Variants in PRKN observed in about 807,000 individuals in gnomAD.
PRKN encodes E3 ubiquitin-protein ligase parkin.
PRKN carries 56 observed loss-of-function variants against 59.5 expected under a neutral mutation model. The ratio of observed to expected loss-of-function variants is 0.94; its 90% confidence interval spans 0.76 to 1.18. The LOEUF is 1.18. Among genes scored for constraint, PRKN ranks in the 50% most tolerant of loss-of-function variants. PRKN has a pLI of 0.00. For synonymous variants in PRKN, 250 were observed against 222.1 expected (o/e 1.13, Z -1.12); for missense variants, 657 against 596.4 (o/e 1.10, Z -1.06).
chr6:162,061,847 C>CA (rs1375167098), intron 4 of PRKN, among the ~76,000 whole-genome samples: 1 of 151,680 alleles, frequency 6.6e-6, no homozygotes, highest in Admixed American at 6.6e-5. Flanking sequence ...ATAGTAGCTA[C>CA]AAAAAAATGG....
At chr6:161,788,928 A>T (rs3019432) in intron 6 of PRKN, among the ~76,000 whole-genome samples, 123,494 of 152,206 alleles carry the variant, frequency 0.81, 52,333 homozygotes, top group East Asian at 0.95. Context: ...ATATCAATAT[A>T]TGAATGTATG....
At chr6:162,428,777 C>A (rs1219343494) in intron 2 of PRKN, among the ~76,000 whole-genome samples, 1 of 152,186 alleles carries the variant, frequency 6.6e-6, no homozygotes, top group African/African-American at 2.4e-5. Flanking sequence ...AACACCTAGA[C>A]TAGCCTCCCA....
chr6:162,264,824 T>C (rs1446106294), intron 2 of PRKN: 2 of 152,204 alleles, frequency 1.3e-5, no homozygotes, highest in African/African-American at 2.4e-5. Flanking sequence ...TATCCTCCCA[T>C]GTTTTGTAAC....
intron 4 of PRKN, among the ~76,000 whole-genome samples, chr6:162,197,843 G>A (rs1369121764): frequency 2.0e-5 from 3 of 152,122 alleles, no homozygotes; most frequent in Admixed American, 6.6e-5. Flanking sequence ...AGAAAATTTC[G>A]AATACAAATG....
chr6:161,854,373 T>C (rs1793560025), intron 6 of PRKN, among the ~76,000 whole-genome samples: 1 of 152,012 alleles, frequency 6.6e-6, no homozygotes, highest in South Asian at 2.1e-4. Context: ...TCGAAATGCA[T>C]ATGTGATGAA....
chr6:162,362,605 TTC>T (rs1785201211), intron 2 of PRKN, among the ~76,000 whole-genome samples: 2 of 152,210 alleles, frequency 1.3e-5, no homozygotes, highest in African/African-American at 4.8e-5. Flanking sequence ...TAGCAGAAAA[TTC>T]TGTTAGATAA....
rs941525954 is a variant in PRKN, at chr6:161,428,642, C to T, written c.1084-41765G>A. Among the ~76,000 whole-genome samples, 28 of 152,318 alleles carry T rather than the reference C, an allele frequency of 1.8e-4. No individual in the cohort carries two copies. The highest frequency in any genetic ancestry group is 3.4e-4 in the African/African-American group (14 of 41,560). On this transcript the variant is annotated intron_variant, in intron 9 of 11. Transcript: ENST00000366898. This position sits in a 1 kb window ranked among gnomAD's most constrained non-coding sequence, Gnocchi z 4.0. ...ACACATCTGAAGGGCGATTCTTTGT[C>T]AACTGCTACTGTCTTGCTAAAGAAT... is the stretch of plus-strand genomic sequence containing the variant.
intron 4 of PRKN, among the ~76,000 whole-genome samples, chr6:162,159,308 C>A (rs748121780): frequency 3.9e-5 from 6 of 152,082 alleles, no homozygotes; most frequent in Non-Finnish European, 5.9e-5. Flanking sequence ...CCATATTTTT[C>A]TTTTTTAGTA....
At position 161,488,274 on chromosome 6, in the gene PRKN, A is replaced by G. The variant is rs1488090579; in HGVS notation, c.1083+60580T>C. On this transcript the variant is annotated intron_variant, in intron 9 of 11. Transcript: ENST00000366898. The surrounding 1 kb of genome is among the most constrained non-coding windows in gnomAD (Gnocchi z 4.5). ...CATTTAGAGAACACCATGAAGGGCC[A>G]GGGTACTGGAGCATTGTCAACAAGG... 6.6e-6 allele frequency among the ~76,000 whole-genome samples: 1 copy of G among 152,188 alleles called. No homozygotes were observed. Among genetic ancestry groups the G allele is most frequent in the Middle Eastern group, 3.2e-3 (1 of 316 alleles).
intron 1 of PRKN, among the ~76,000 whole-genome samples, chr6:162,567,255 G>A (rs545888177): frequency 6.6e-6 from 1 of 152,238 alleles, no homozygotes; most frequent in African/African-American, 2.4e-5. Flanking sequence ...ACATAGTACT[G>A]GAAGTCCTAG....
At chr6:162,646,363 C>T (rs1169113888) in intron 1 of PRKN, among the ~76,000 whole-genome samples, 2 of 151,880 alleles carry the variant, frequency 1.3e-5, no homozygotes, top group African/African-American at 2.4e-5. Context: ...GCCTTGACAC[C>T]CTGGGCTCCA....
At chr6:162,029,265 G>A (rs1582921644) in intron 5 of PRKN, among the ~76,000 whole-genome samples, 1 of 152,064 alleles carries the variant, frequency 6.6e-6, no homozygotes, top group Non-Finnish European at 1.5e-5. Context: ...AAACTTTCCA[G>A]GTAATTCTGT....
chr6:162,453,685 C>T (rs1193164696), intron 1 of PRKN, among the ~76,000 whole-genome samples: 1 of 152,060 alleles, frequency 6.6e-6, no homozygotes, highest in Non-Finnish European at 1.5e-5. Flanking sequence ...GGCAGATCAC[C>T]TGAGGTCAGG....
chr6:161,990,818 A>G (rs547243106), intron 5 of PRKN, among the ~76,000 whole-genome samples: 28 of 152,332 alleles, frequency 1.8e-4, no homozygotes, highest in Admixed American at 9.8e-4. Context: ...ATGATCAAAG[A>G]CATGGAAAGC....
At chr6:162,432,421 A>G (rs6918427) in intron 2 of PRKN, among the ~76,000 whole-genome samples, 61,182 of 151,760 alleles carry the variant, frequency 0.4, 14,034 homozygotes, top group African/African-American at 0.64. Flanking sequence ...AGCTACTAGC[A>G]GGGCTGAGGC....
At chr6:162,059,686 T>C (rs1778015939) in intron 4 of PRKN, among the ~76,000 whole-genome samples, 1 of 152,174 alleles carries the variant, frequency 6.6e-6, no homozygotes. Flanking sequence ...GAGAAAGATA[T>C]CTGAATAAAA....
intron 4 of PRKN, among the ~76,000 whole-genome samples, chr6:162,178,860 T>C (rs1308079785): frequency 6.7e-6 from 1 of 150,294 alleles, no homozygotes; most frequent in Non-Finnish European, 1.5e-5. Context: ...TCCTCATCAG[T>C]GTTTTCGCTT....
chr6:162,687,248 C>T (rs563481869), intron 1 of PRKN, among the ~76,000 whole-genome samples: 4 of 149,228 alleles, frequency 2.7e-5, no homozygotes, highest in Non-Finnish European at 4.4e-5. Context: ...TGCAGAGGCA[C>T]GATCTCAGCT....
At chr6:161,426,441 A>G (rs572618331) in intron 9 of PRKN, among the ~76,000 whole-genome samples, 18 of 152,220 alleles carry the variant, frequency 1.2e-4, no homozygotes, top group Middle Eastern at 3.4e-3. Context: ...TAAAGCAGGC[A>G]GAAAAACATG....
Sources: allele counts gnomAD v4.1 joint callset (sites outside exome capture counted in the v4.1 genomes callset), GRCh38; gene constraint gnomAD v4.1.1; non-coding constraint Gnocchi (gnomAD v3.1); transcripts MANE v1.5; gene names NCBI Gene and HGNC (gene_info 2026-07-23, HGNC 2026-07-21).